The following NFIA variants were observed in gnomAD, a reference collection of about 807,000 sequenced individuals.
NFIA encodes nuclear factor 1 A-type.
In NFIA, 8 loss-of-function variants were observed where a neutral mutation model predicts 62.8. The observed-to-expected ratio is 0.13, with a 90% CI of 0.07 to 0.23. The LOEUF (loss-of-function observed/expected upper bound fraction) is 0.23, where lower values mean the gene tolerates loss of function less well. Among genes scored for constraint, NFIA ranks in the 10% least tolerant of loss-of-function variants. NFIA has a pLI of 1.00. For synonymous variants in NFIA, 235 were observed against 238.1 expected, an observed-to-expected ratio of 0.99 and a Z score of 0.12; for missense variants, 410 against 642.1, an observed-to-expected ratio of 0.64 and a Z score of 3.91.
intron 2 of NFIA, chr1:61,132,757 A>T (rs1202515212): frequency 6.6e-6 from 1 of 152,220 alleles, no homozygotes; most frequent in Non-Finnish European, 1.5e-5. Context: ...ACTTATAACA[A>T]ATCATAGATC....
intron 3 of NFIA, among the ~76,000 whole-genome samples, chr1:61,313,755 T>G (rs1660231715): frequency 6.6e-6 from 1 of 152,206 alleles, no homozygotes; most frequent in Non-Finnish European, 1.5e-5. Context: ...ACACATTGAT[T>G]ACAATAATGG....
intron 2 of NFIA, among the ~76,000 whole-genome samples, chr1:61,222,152 CTCTT>C (rs1654054869): frequency 6.6e-6 from 1 of 152,048 alleles, no homozygotes; most frequent in Non-Finnish European, 1.5e-5. Context: ...ATAGTGTGGG[CTCTT>C]TGTTATGGAG....
chr1:61,365,451 G>A (rs1160761203), intron 6 of NFIA, among the ~76,000 whole-genome samples: 2 of 152,098 alleles, frequency 1.3e-5, no homozygotes, highest in Non-Finnish European at 2.9e-5. Flanking sequence ...TAGAAATCTA[G>A]CCTATTTTCA....
chr1:61,245,494 C>A (rs889851845), intron 2 of NFIA, among the ~76,000 whole-genome samples: 1 of 151,966 alleles, frequency 6.6e-6, no homozygotes, highest in African/African-American at 2.4e-5. Context: ...AAAATAAATT[C>A]TATTAATAAT....
intron 2 of NFIA, among the ~76,000 whole-genome samples, chr1:61,143,548 C>T (rs768792681): frequency 1.3e-5 from 2 of 152,068 alleles, no homozygotes; most frequent in African/African-American, 4.8e-5. Context: ...TGCCACCACA[C>T]CTGGTTAATT....
At chr1:61,412,410 A>G (rs930892273) in intron 9 of NFIA, among the ~76,000 whole-genome samples, 5 of 152,178 alleles carry the variant, frequency 3.3e-5, no homozygotes, top group African/African-American at 1.2e-4. Context: ...CGTGGGAGCA[A>G]TAGGGGTGAT....
At chr1:61,153,779 C>T (rs1557601460) in intron 2 of NFIA, among the ~76,000 whole-genome samples, 1 of 152,144 alleles carries the variant, frequency 6.6e-6, no homozygotes, top group Non-Finnish European at 1.5e-5. Flanking sequence ...CTGAACTGCC[C>T]TGGTCATTAG....
intron 4 of NFIA, among the ~76,000 whole-genome samples, chr1:61,341,659 G>T (rs1661923268): frequency 1.3e-5 from 2 of 152,106 alleles, no homozygotes; most frequent in Non-Finnish European, 2.9e-5. Context: ...TGCATTTTTT[G>T]CAGAAGTAGG....
At chr1:61,366,304 AT>A (rs1203540434) in intron 6 of NFIA, among the ~76,000 whole-genome samples, 2 of 152,048 alleles carry the variant, frequency 1.3e-5, no homozygotes, top group Non-Finnish European at 2.9e-5. Context: ...AGTAAAGCAA[AT>A]TTTTTTATTG....
At chr1:61,292,364 G>A (rs777949216) in intron 3 of NFIA, among the ~76,000 whole-genome samples, 25 of 152,140 alleles carry the variant, frequency 1.6e-4, no homozygotes, top group Non-Finnish European at 2.8e-4. Context: ...CTTGTGTTCA[G>A]GAGTTTAAGT....
chr1:61,432,643 A>ACACATATATATACG (rs1318575678), intron 10 of NFIA, among the ~76,000 whole-genome samples: 1 of 151,332 alleles, frequency 6.6e-6, no homozygotes, highest in Non-Finnish European at 1.5e-5. Flanking sequence ...ATATATATAC[A>ACACATATATATACG]CATATATATA....
chr1:61,370,586 T>C (rs931198210), intron 6 of NFIA, among the ~76,000 whole-genome samples: 2 of 152,190 alleles, frequency 1.3e-5, no homozygotes, highest in Non-Finnish European at 2.9e-5. Context: ...GACCTCCCTT[T>C]CTTAACAATT....
At chr1:61,174,391 T>C (rs1174748615) in intron 2 of NFIA, among the ~76,000 whole-genome samples, 1 of 152,224 alleles carries the variant, frequency 6.6e-6, no homozygotes, top group African/African-American at 2.4e-5. Context: ...TCTTTTGCTT[T>C]CCATGTGGTC....
intron 2 of NFIA, among the ~76,000 whole-genome samples, chr1:61,191,128 A>G (rs1651587205): frequency 6.6e-6 from 1 of 151,880 alleles, no homozygotes; most frequent in Non-Finnish European, 1.5e-5. Flanking sequence ...TACAATGCTT[A>G]GCTACATTAA....
At chr1:61,347,577 CA>C (rs1324205585) in intron 4 of NFIA, among the ~76,000 whole-genome samples, 1 of 152,148 alleles carries the variant, frequency 6.6e-6, no homozygotes, top group African/African-American at 2.4e-5. Flanking sequence ...CTCGAAGGCT[CA>C]GCTTAAGTGC....
At chr1:61,346,963 A>G (rs1004752519) in intron 4 of NFIA, among the ~76,000 whole-genome samples, 2 of 152,040 alleles carry the variant, frequency 1.3e-5, no homozygotes, top group Non-Finnish European at 2.9e-5. Context: ...GAACTTACTC[A>G]CTATCACGAG....
chr1:61,139,274 A>G (rs1291406145), intron 2 of NFIA, among the ~76,000 whole-genome samples: 1 of 152,210 alleles, frequency 6.6e-6, no homozygotes, highest in African/African-American at 2.4e-5. Flanking sequence ...ATAAAAGTGG[A>G]GGAAAAAACA....
intron 9 of NFIA, among the ~76,000 whole-genome samples, chr1:61,408,078 G>T (rs1266235732): frequency 2.6e-5 from 4 of 152,208 alleles, no homozygotes; most frequent in African/African-American, 9.7e-5. Context: ...GTGAGCTTTG[G>T]GTTATCCAGT....
At chr1:61,111,485 T>C (rs1646693400) in intron 2 of NFIA, among the ~76,000 whole-genome samples, 1 of 152,170 alleles carries the variant, frequency 6.6e-6, no homozygotes. Flanking sequence ...GACGTTCAAA[T>C]GAAAGTAGCA....
Sources: gnomAD v4.1 joint callset for allele counts (sites outside exome capture counted in the v4.1 genomes callset) on GRCh38, gnomAD v4.1.1 for gene constraint, MANE v1.5 for transcripts, NCBI Gene and HGNC (gene_info 2026-07-23, HGNC 2026-07-21) for gene names.